Variants in PLAC1 observed in about 807,000 individuals in gnomAD.
PLAC1 encodes the protein placenta-specific protein 1.
For synonymous variants in PLAC1, 68 were observed against 62.1 expected (o/e 1.09, Z -0.44); for missense variants, 136 against 163.2 (o/e 0.83, Z 0.91).
At chrX:134,667,953 G>T (rs1048795976) in intron 2 of PLAC1, among the ~76,000 whole-genome samples, 4 of 109,647 alleles carry the variant, frequency 3.6e-5, no homozygotes, top group African/African-American at 1.3e-4. Context: ...TAACTGTGGA[G>T]TTACCCTATG....
At chrX:134,647,790 G>A (rs1422529509) in intron 1 of PLAC1, among the ~76,000 whole-genome samples, 1 of 111,536 alleles carries the variant, frequency 9.0e-6, no homozygotes, top group Non-Finnish European at 1.9e-5. Context: ...CATAACCTTT[G>A]CAGCCTCTCT....
At chrX:134,578,257 C>G (rs2077951208) in intron 2 of PLAC1, among the ~76,000 whole-genome samples, 1 of 108,836 alleles carries the variant, frequency 9.2e-6, no homozygotes. Flanking sequence ...ACTAAAAATA[C>G]AAAAAATTAG....
Position 134,627,602 on chromosome X carries a change from C to G in PLAC1, c.-130-25480G>C, listed in dbSNP as rs537882269. On this transcript the variant is annotated intron_variant, in intron 1 of 2. Coordinates refer to ENST00000359237, the MANE Select transcript of PLAC1 (RefSeq NM_021796.4). ...ATGTCTTATCATAGGAAGATCTCCA[C>G]GATATCCTAAATGGCAAAAGCAGAT... Among the ~76,000 whole-genome samples the G allele has an allele frequency of 5.1e-4, 57 of 112,565 alleles. 1 individual carries two copies. Among genetic ancestry groups the G allele is most frequent in the African/African-American group, 1.4e-3 (45 of 31,090 alleles).
At chrX:134,667,927 A>G (rs890049159) in intron 2 of PLAC1, among the ~76,000 whole-genome samples, 3 of 105,024 alleles carry the variant, frequency 2.9e-5, no homozygotes. Flanking sequence ...CCTTGTCTCA[A>G]AAAAAAAAAA....
intron 2 of PLAC1, among the ~76,000 whole-genome samples, chrX:134,680,373 G>C (rs2078490463): frequency 9.0e-6 from 1 of 111,297 alleles, no homozygotes; most frequent in South Asian, 3.8e-4. Context: ...CACCATCATA[G>C]CTACTCTATC....
At chrX:134,628,111 G>A (rs2078244553) in intron 1 of PLAC1, among the ~76,000 whole-genome samples, 1 of 112,176 alleles carries the variant, frequency 8.9e-6, no homozygotes, top group Admixed American at 9.4e-5. Flanking sequence ...CTGGCACATC[G>A]TAAGTGCTCA....
chrX:134,597,114 C>T (rs760594657), intron 2 of PLAC1, among the ~76,000 whole-genome samples: 11 of 111,316 alleles, frequency 9.9e-5, no homozygotes, highest in Non-Finnish European at 1.9e-4. Context: ...CCTCTCATCC[C>T]AGGACTCCAA....
At chrX:134,626,916 T>C (rs184580539) in intron 1 of PLAC1, among the ~76,000 whole-genome samples, 30 of 111,551 alleles carry the variant, frequency 2.7e-4, no homozygotes, top group Non-Finnish European at 4.7e-4. Flanking sequence ...TAGAAGCCTC[T>C]CAATAGGCTG....
intron 2 of PLAC1, among the ~76,000 whole-genome samples, chrX:134,577,811 T>C: frequency 9.2e-6 from 1 of 108,486 alleles, no homozygotes; most frequent in Non-Finnish European, 1.9e-5. Flanking sequence ...TTAGCACATG[T>C]ATTATGAACA....
chrX:134,734,466 G>A (rs1440186166), intron 1 of PLAC1, among the ~76,000 whole-genome samples: 1 of 112,610 alleles, frequency 8.9e-6, no homozygotes, highest in East Asian at 2.8e-4. Flanking sequence ...CACACCTGCA[G>A]AGAGGACAGC....
chrX:134,684,122 G>T (rs1295082076), intron 2 of PLAC1, among the ~76,000 whole-genome samples: 2 of 110,768 alleles, frequency 1.8e-5, no homozygotes, highest in Non-Finnish European at 3.8e-5. Context: ...CTGAGAATGG[G>T]ACTCTTCTAC....
intron 1 of PLAC1, among the ~76,000 whole-genome samples, chrX:134,618,782 G>C (rs1426181586): frequency 9.0e-6 from 1 of 111,278 alleles, no homozygotes; most frequent in Non-Finnish European, 1.9e-5. Context: ...TGAAAACTGA[G>C]GCTCAGAGAG....
At chrX:134,708,156 G>A (rs2147832045) in intron 2 of PLAC1, among the ~76,000 whole-genome samples, 1 of 111,872 alleles carries the variant, frequency 8.9e-6, no homozygotes, top group South Asian at 3.8e-4. Flanking sequence ...ACCAACTATG[G>A]TACATCCATA....
At chrX:134,699,478 C>G (rs777447283) in intron 2 of PLAC1, among the ~76,000 whole-genome samples, 59 of 112,081 alleles carry the variant, frequency 5.3e-4, no homozygotes, top group African/African-American at 1.6e-3. Context: ...AGAATAAATG[C>G]CTATTGTTAA....
chrX:134,589,092 C>G (rs2078021500), intron 2 of PLAC1, among the ~76,000 whole-genome samples: 1 of 111,473 alleles, frequency 9.0e-6, no homozygotes, highest in African/African-American at 3.3e-5. Context: ...TCTCTATTTC[C>G]TAACTGGCTG....
At chrX:134,592,924 T>C (rs1602813781) in intron 2 of PLAC1, among the ~76,000 whole-genome samples, 3 of 109,362 alleles carry the variant, frequency 2.7e-5, no homozygotes, top group African/African-American at 1.0e-4. Flanking sequence ...GACGGGGGTT[T>C]CACTGTGTTA....
chrX:134,751,637 T>C (rs1048911840), intron 1 of PLAC1, among the ~76,000 whole-genome samples: 8 of 111,774 alleles, frequency 7.2e-5, no homozygotes, highest in Non-Finnish European at 1.3e-4. Flanking sequence ...CTCTTGTCTC[T>C]GGCACACTAC....
At chrX:134,636,492 A>C (rs1370070850) in intron 1 of PLAC1, among the ~76,000 whole-genome samples, 1 of 112,410 alleles carries the variant, frequency 8.9e-6, no homozygotes, top group African/African-American at 3.2e-5. Context: ...GGGCAGCTTC[A>C]AAATGGCTGT....
intron 2 of PLAC1, among the ~76,000 whole-genome samples, chrX:134,710,857 A>G (rs1339344836): frequency 9.0e-6 from 1 of 111,137 alleles, no homozygotes; most frequent in African/African-American, 3.3e-5. Flanking sequence ...ACAGTAGTGT[A>G]TTTCTCCTCT....
Sources: gnomAD v4.1 joint callset for allele counts (sites outside exome capture counted in the v4.1 genomes callset) on GRCh38, gnomAD v4.1.1 for gene constraint, MANE v1.5 for transcripts, NCBI Gene and HGNC (gene_info 2026-07-23, HGNC 2026-07-21) for gene names.